The following SMAD2 variants were observed in gnomAD, a reference collection of about 807,000 sequenced individuals.
SMAD2 encodes the protein SMAD family member 2, also known as MAD homolog 2.
Under a neutral mutation model 64.4 loss-of-function variants are expected in SMAD2, and 8 were observed. The ratio of observed to expected loss-of-function variants is 0.12; its 90% CI spans 0.07 to 0.22. SMAD2 has a LOEUF of 0.22. Ranked by LOEUF, SMAD2 falls within the 10% of genes least tolerant of loss-of-function variation. The pLI is 1.00. For missense variants in SMAD2, 289 were observed against 561.2 expected, an observed-to-expected ratio of 0.51 and a Z score of 4.90; for synonymous variants, 203 against 195.8, an observed-to-expected ratio of 1.04 and a Z score of -0.31.
intron 2 of SMAD2, among the ~76,000 whole-genome samples, chr18:47,883,162 T>C (rs1046506639): frequency 6.6e-5 from 10 of 152,248 alleles, no homozygotes; most frequent in Admixed American, 5.2e-4. Context: ...ACTATAAAAT[T>C]TTCCATTAGG....
chr18:47,909,956 C>A (rs911279395), intron 1 of SMAD2, among the ~76,000 whole-genome samples: 23 of 152,104 alleles, frequency 1.5e-4, no homozygotes, highest in African/African-American at 5.1e-4. Context: ...ATGGAAAAGA[C>A]CGTCAATGTT....
At chr18:47,844,518 T>A (rs756429575) in intron 10 of SMAD2, among the ~76,000 whole-genome samples, 3 of 152,212 alleles carry the variant, frequency 2.0e-5, no homozygotes, top group Admixed American at 1.3e-4. Context: ...TAGACTATCT[T>A]ATCCACTGAT....
chr18:47,925,815 G>T (rs999085974), intron 1 of SMAD2, among the ~76,000 whole-genome samples: 2 of 151,058 alleles, frequency 1.3e-5, no homozygotes, highest in South Asian at 4.2e-4. Context: ...AAGTAACCCT[G>T]AGGTAAGGTT....
At chr18:47,850,859 T>TA (rs1598763388) in intron 7 of SMAD2, among the ~76,000 whole-genome samples, 1 of 72,632 alleles carries the variant, frequency 1.4e-5, no homozygotes, top group East Asian at 3.7e-4. Context: ...TTATATATAT[T>TA]ATATATATTA....
intron 6 of SMAD2, among the ~76,000 whole-genome samples, chr18:47,851,818 T>C (rs983457081): frequency 3.3e-5 from 5 of 152,214 alleles, no homozygotes. Flanking sequence ...AATCTTTTGC[T>C]ATAAGAACCA....
Position 47,827,176 on chromosome 18 carries a change from A to G in SMAD2, c.*14651T>C, listed in dbSNP as rs1221415806. 1.3e-5 allele frequency: 2 copies of G among 152,206 alleles called. No homozygotes were observed. The highest frequency in any genetic ancestry group is 2.4e-5 in the African/African-American group (1 of 41,464). The allele number at this position is 152,206 out of a possible 1,614,324, so 9.4% of individuals were successfully genotyped here. A position where few individuals can be genotyped will look rare whatever the true frequency, so the allele number is the denominator to read the frequency against. ...AAGTAGGCAATTGAGTTTTCATTCT[A>G]TTATCCAAGGTAACTGAAGTATTTG... is the stretch of plus-strand genomic sequence containing the variant. On this transcript the variant is annotated 3_prime_UTR_variant, in exon 11 of 11. Coordinates refer to ENST00000262160, the MANE Select transcript of SMAD2 (RefSeq NM_005901.6).
intron 2 of SMAD2, among the ~76,000 whole-genome samples, chr18:47,879,266 G>C (rs1402109452): frequency 6.6e-6 from 1 of 152,150 alleles, no homozygotes; most frequent in Non-Finnish European, 1.5e-5. Context: ...AGTTTTCTCA[G>C]ATGCATACAT....
chr18:47,867,308 A>T (rs2031631863), intron 5 of SMAD2: 1 of 149,606 alleles, frequency 6.7e-6, no homozygotes, highest in South Asian at 2.1e-4. Context: ...CCAGCTATTT[A>T]AAAAAAAAAC....
At chr18:47,895,912 T>C (rs2033417713) in intron 2 of SMAD2, among the ~76,000 whole-genome samples, 2 of 152,238 alleles carry the variant, frequency 1.3e-5, no homozygotes, top group South Asian at 2.1e-4. Context: ...AAAACACCTG[T>C]CACTTAATTA....
rs1345879154 is a variant in SMAD2, at chr18:47,827,160, A to G, written c.*14667T>C. 6.6e-6 allele frequency: 1 copy of G among 152,216 alleles called. No individual in the cohort carries two copies. Among genetic ancestry groups the G allele is most frequent in the Non-Finnish European group, 1.5e-5 (1 of 68,030 alleles). The allele number at this position is 152,216 out of a possible 1,614,324, so 9.4% of individuals were successfully genotyped here. A position where few individuals can be genotyped will look rare whatever the true frequency, so the allele number is the denominator to read the frequency against. ...AAAAAAAATTTGTTCAAAGTAGGCA[A>G]TTGAGTTTTCATTCTATTATCCAAG... On this transcript the variant is annotated 3_prime_UTR_variant, in exon 11 of 11. Transcript: ENST00000262160.
At chr18:47,887,825 C>T (rs893348629) in intron 2 of SMAD2, among the ~76,000 whole-genome samples, 2 of 152,164 alleles carry the variant, frequency 1.3e-5, no homozygotes, top group Non-Finnish European at 2.9e-5. Flanking sequence ...GAGAAGTTCT[C>T]GTCAAGTCCT....
chr18:47,930,768 G>T (rs1240882265), upstream of SMAD2: 1 of 145,640 alleles, frequency 6.9e-6, no homozygotes, highest in East Asian at 2.0e-4. Flanking sequence ...CTCCGCCCTC[G>T]GCCGCCGGCC....
At position 47,830,576 on chromosome 18, in the gene SMAD2, C is replaced by CAAAAAAAAA. The variant is rs5824708; in HGVS notation, c.*11242_*11250dup. The CAAAAAAAAA allele has an allele frequency of 8.0e-6, 1 of 125,452 alleles. No homozygotes were observed. Among genetic ancestry groups the CAAAAAAAAA allele is most frequent in the African/African-American group, 3.2e-5 (1 of 31,106 alleles). 7.8% of individuals were successfully genotyped at this position (125,452 alleles called of 1,614,324 possible). ...GGGCAACAGAGCAAGACTCTGTCTC[C>CAAAAAAAAA]AAAAAAAAAAAAAAAAAATTCGTTT... On this transcript the variant is annotated 3_prime_UTR_variant, in exon 11 of 11. Transcript: ENST00000262160.
chr18:47,864,754 G>C (rs1482925971), intron 6 of SMAD2, among the ~76,000 whole-genome samples: 1 of 151,734 alleles, frequency 6.6e-6, no homozygotes, highest in Non-Finnish European at 1.5e-5. Flanking sequence ...TTAGTCATAG[G>C]GTTACTAAAA....
intron 2 of SMAD2, among the ~76,000 whole-genome samples, chr18:47,891,687 G>C (rs2033201762): frequency 6.6e-6 from 1 of 151,850 alleles, no homozygotes; most frequent in South Asian, 2.1e-4. Flanking sequence ...GCCACGTCTG[G>C]CTAGAAATAC....
At chr18:47,868,245 C>T in intron 5 of SMAD2, 78 bp downstream of exon 5, 3 of 1,259,466 alleles carry the variant, frequency 2.4e-6, no homozygotes, top group Non-Finnish European at 3.5e-6. Context: ...AGTGAAACCA[C>T]AATTTACTAA....
rs1360459784 is a variant in SMAD2, at chr18:47,820,668, G to C, written c.*21159C>G. Reference sequence around the variant, plus strand: ...GGGGAAGTATAAAACAAAGCAGAAAGTTTAAGCATGTCACTGAAGGTCTGT... The same window carrying C: ...GGGGAAGTATAAAACAAAGCAGAAACTTTAAGCATGTCACTGAAGGTCTGT... On this transcript the variant is annotated 3_prime_UTR_variant, in exon 11 of 11. Coordinates refer to ENST00000262160, the MANE Select transcript of SMAD2 (RefSeq NM_005901.6). 2 of 152,110 alleles carry C rather than the reference G, an allele frequency of 1.3e-5. No individual in the cohort carries two copies. Among genetic ancestry groups the C allele is most frequent in the East Asian group, 3.8e-4 (2 of 5,196 alleles). 9.4% of individuals were successfully genotyped at this position (152,110 alleles called of 1,614,324 possible).
At chr18:47,851,870 G>A (rs765006941) in intron 6 of SMAD2, among the ~76,000 whole-genome samples, 5 of 152,098 alleles carry the variant, frequency 3.3e-5, no homozygotes, top group African/African-American at 4.8e-5. Context: ...CGTTTTGCAC[G>A]CTTCCAATCA....
In SMAD2 at chr18:47,830,576, C is replaced by CAAAAAAAAAAAAAAAAAAAAAAAAA. The variant is rs5824708; in HGVS notation, c.*11250_*11251insTTTTTTTTTTTTTTTTTTTTTTTTT. The CAAAAAAAAAAAAAAAAAAAAAAAAA allele has an allele frequency of 8.0e-5, 10 of 125,408 alleles. No homozygotes were observed. Among genetic ancestry groups the CAAAAAAAAAAAAAAAAAAAAAAAAA allele is most frequent in the African/African-American group, 3.2e-4 (10 of 31,126 alleles). The allele number at this position is 125,408 out of a possible 1,614,324, so 7.8% of individuals were successfully genotyped here. A position where few individuals can be genotyped will look rare whatever the true frequency, so the allele number is the denominator to read the frequency against. ...GGGCAACAGAGCAAGACTCTGTCTC[C>CAAAAAAAAAAAAAAAAAAAAAAAAA]AAAAAAAAAAAAAAAAAATTCGTTT... On this transcript the variant is annotated 3_prime_UTR_variant, in exon 11 of 11. Transcript: ENST00000262160.
Sources: allele counts gnomAD v4.1 joint callset (sites outside exome capture counted in the v4.1 genomes callset), GRCh38; gene constraint gnomAD v4.1.1; transcripts MANE v1.5; gene names NCBI Gene and HGNC (gene_info 2026-07-23, HGNC 2026-07-21).